The following AFF4 variants were observed in gnomAD, a reference collection of about 807,000 sequenced individuals.
AFF4 encodes the protein ALF transcription elongation factor 4.
AFF4 carries 13 observed loss-of-function variants against 124.8 expected under a neutral mutation model. The ratio of observed to expected loss-of-function variants is 0.10; its 90% CI spans 0.07 to 0.17. The LOEUF (loss-of-function observed/expected upper bound fraction) is 0.17, where lower values mean the gene tolerates loss of function less well. AFF4 is among the 10% of genes least tolerant of loss of function. AFF4 has a pLI of 1.00. For synonymous variants in AFF4, 477 were observed against 496.1 expected (o/e 0.96, Z 0.51); for missense variants, 1,092 against 1,403.8 (o/e 0.78, Z 3.55).
rs543284746 is a variant in AFF4 at position 132,889,835 on chromosome 5, A to G, written c.2638-662T>C. ...TATTTTAAGAGATGGGAGTCTTGCTATGTTGCCCAGGTTGATCTTAAACTC... is the reference window on the plus strand; with the variant it reads ...TATTTTAAGAGATGGGAGTCTTGCTGTGTTGCCCAGGTTGATCTTAAACTC... On this transcript the variant is annotated intron_variant, in intron 13 of 20. Coordinates refer to ENST00000265343, the MANE Select transcript of AFF4 (RefSeq NM_014423.4). Among the ~76,000 whole-genome samples, 13 of 152,108 alleles carry G rather than the reference A, an allele frequency of 8.5e-5. No individual in the cohort carries two copies. The East Asian group carries it at 1.2e-3, about 14-fold the overall frequency.
rs376930995 is a variant in AFF4, at chr5:132,955,601, AC to A, written c.-5+7657del. On this transcript the variant is annotated intron_variant, in intron 1 of 20. Transcript: ENST00000265343. ...AGACCAGCCTGATCAACATGGTGAA[AC>A]CCCCATCTCTACTAAAAATACAAAA... 9.3e-5 allele frequency among the ~76,000 whole-genome samples: 14 copies of A among 151,238 alleles called. No homozygotes were observed. The South Asian group carries it at 2.7e-3, about 29-fold the overall frequency.
intron 1 of AFF4, among the ~76,000 whole-genome samples, chr5:132,953,441 G>GA (rs1425671533): frequency 1.3e-5 from 2 of 151,820 alleles, no homozygotes; most frequent in Admixed American, 1.3e-4. Context: ...GTAGAGACAA[G>GA]ATCTCACTAT....
At chr5:132,910,228 ATTGTTT>A (rs1760762683) in intron 5 of AFF4, among the ~76,000 whole-genome samples, 1 of 152,178 alleles carries the variant, frequency 6.6e-6, no homozygotes, top group Admixed American at 6.5e-5. Context: ...GAGGGATTGA[ATTGTTT>A]TTGTTTTTAA....
intron 1 of AFF4, among the ~76,000 whole-genome samples, chr5:132,939,608 ACTT>A (rs1384626851): frequency 1.3e-5 from 2 of 152,252 alleles, no homozygotes; most frequent in South Asian, 2.1e-4. Context: ...AAGATCTGCA[ACTT>A]CTTTTTTCTT....
At chr5:132,928,802 G>A (rs1397458292) in intron 4 of AFF4, among the ~76,000 whole-genome samples, 1 of 152,178 alleles carries the variant, frequency 6.6e-6, no homozygotes, top group Non-Finnish European at 1.5e-5. Flanking sequence ...AATGACAGAA[G>A]GAAGAGACAA....
chr5:132,950,749 C>T (rs1404306525), intron 1 of AFF4, among the ~76,000 whole-genome samples: 4 of 152,138 alleles, frequency 2.6e-5, no homozygotes, highest in Non-Finnish European at 4.4e-5. Flanking sequence ...TATTCTCTTC[C>T]CTCCCAGTGA....
intron 2 of AFF4, 137 bp from the exon 3 acceptor site, chr5:132,935,078 T>G: frequency 1.9e-4 from 105 of 560,668 alleles, no homozygotes; most frequent in Non-Finnish European, 2.6e-4. Context: ...TTAACGTTAA[T>G]ACCTTGAAGC....
intron 1 of AFF4, among the ~76,000 whole-genome samples, chr5:132,962,154 A>G (rs552135680): frequency 9.6e-4 from 147 of 152,376 alleles, no homozygotes; most frequent in Non-Finnish European, 1.6e-3. Flanking sequence ...TTCAATTTTG[A>G]TAAGTTAAAG....
intron 20 of AFF4, among the ~76,000 whole-genome samples, chr5:132,882,213 C>CAAAA (rs35340388): frequency 8.3e-6 from 1 of 120,294 alleles, no homozygotes; most frequent in Non-Finnish European, 1.7e-5. Context: ...AACCCTGTCT[C>CAAAA]AAAAAAAAAA....
At chr5:132,905,986 C>T (rs1760662977) in intron 5 of AFF4, among the ~76,000 whole-genome samples, 1 of 152,116 alleles carries the variant, frequency 6.6e-6, no homozygotes, top group Non-Finnish European at 1.5e-5. Context: ...TAAACATTTA[C>T]CCAAGGAAGA....
At chr5:132,902,396 T>A in intron 7 of AFF4, 46 bp downstream of exon 7, 1 of 1,498,588 alleles carries the variant, frequency 6.7e-7, no homozygotes. Flanking sequence ...ACAGGTAACT[T>A]TTAGCAAAAA....
chr5:132,933,764 C>T (rs757259631), intron 3 of AFF4, among the ~76,000 whole-genome samples: 7 of 152,188 alleles, frequency 4.6e-5, no homozygotes, highest in Non-Finnish European at 8.8e-5. Flanking sequence ...CCATCACCTG[C>T]ATCTCATTCA....
intron 1 of AFF4, among the ~76,000 whole-genome samples, chr5:132,947,026 T>C (rs752217463): frequency 2.0e-5 from 3 of 152,080 alleles, no homozygotes; most frequent in Admixed American, 2.0e-4. Flanking sequence ...CACTGCACTT[T>C]GTGGCAACTG....
intron 11 of AFF4, among the ~76,000 whole-genome samples, chr5:132,895,197 T>C (rs1760358717): frequency 6.6e-6 from 1 of 151,884 alleles, no homozygotes; most frequent in South Asian, 2.1e-4. Context: ...AACATCTCTA[T>C]ACTATGATAA....
At position 132,898,406 on chromosome 5, in the gene AFF4, A is replaced by T; in HGVS notation, c.1227-14T>A. 2 of 1,609,418 alleles carry T rather than the reference A, an allele frequency of 1.2e-6. No individual in the cohort carries two copies. The highest frequency in any genetic ancestry group is 1.7e-6 in the Non-Finnish European group (2 of 1,178,228). The stretch of plus-strand genomic sequence containing the variant: ...GGTTCAGAGTTACTAAAAGAGATGA[A>T]ATATACAAATGTCCAAAGTTTATTT... On this transcript the variant is annotated splice_polypyrimidine_tract_variant and intron_variant, in intron 9 of 20. Coordinates refer to ENST00000265343, the MANE Select transcript of AFF4 (RefSeq NM_014423.4).
chr5:132,886,996 TATG>T (rs1310361691), intron 17 of AFF4, among the ~76,000 whole-genome samples: 1 of 152,224 alleles, frequency 6.6e-6, no homozygotes, highest in Admixed American at 6.5e-5. Context: ...TATGGACTTG[TATG>T]ATGATTTGAT....
At chr5:132,921,340 G>C (rs1761039819) in intron 5 of AFF4, among the ~76,000 whole-genome samples, 3 of 152,048 alleles carry the variant, frequency 2.0e-5, no homozygotes, top group Middle Eastern at 3.4e-3. Context: ...GAAGGCTAAA[G>C]TTTTAAAAGA....
chr5:132,936,958 G>A, intron 2 of AFF4, 109 bp downstream of exon 2: 2 of 1,375,640 alleles, frequency 1.5e-6, no homozygotes, highest in Non-Finnish European at 2.0e-6. Context: ...AAAATGTTAA[G>A]TGGTATTCAT....
At chr5:132,951,306 C>T (rs910192361) in intron 1 of AFF4, among the ~76,000 whole-genome samples, 1 of 152,098 alleles carries the variant, frequency 6.6e-6, no homozygotes, top group Admixed American at 6.6e-5. Flanking sequence ...TCTCCACCTC[C>T]TCAGCAACCA....
Sources: gnomAD v4.1 joint callset for allele counts (sites outside exome capture counted in the v4.1 genomes callset) on GRCh38, gnomAD v4.1.1 for gene constraint, MANE v1.5 for transcripts, NCBI Gene and HGNC (gene_info 2026-07-23, HGNC 2026-07-21) for gene names.